The following PIK3CB variants were observed in gnomAD, a reference collection of about 807,000 sequenced individuals.
PIK3CB encodes the protein phosphatidylinositol-4,5-bisphosphate 3-kinase catalytic subunit beta.
A neutral mutation model predicts 136.8 loss-of-function variants in PIK3CB; 39 were observed. The ratio of observed to expected loss-of-function variants is 0.29; its 90% CI spans 0.22 to 0.37. The LOEUF is 0.37. Among genes scored for constraint, PIK3CB ranks in the 10% least tolerant of loss-of-function variants. The pLI, the probability that PIK3CB is intolerant of heterozygous loss-of-function variation, is 1.00. For missense variants in PIK3CB, 868 were observed against 1,275.4 expected, an observed-to-expected ratio of 0.68 and a Z score of 4.87; for synonymous variants, 428 against 436.6, an observed-to-expected ratio of 0.98 and a Z score of 0.25.
In PIK3CB at chr3:138,822,082, G is replaced by A. The variant is rs183969732; in HGVS notation, c.-122+12613C>T. ...GAGCTCAGGAGGTCCACACTGCAGA[G>A]AGCCAAGATGGTTCCACTGCACTCC... On this transcript the variant is annotated intron_variant, in intron 1 of 23. Coordinates refer to ENST00000674063, the MANE Select transcript of PIK3CB (RefSeq NM_006219.3). 7.9e-5 allele frequency among the ~76,000 whole-genome samples: 12 copies of A among 152,110 alleles called. No homozygotes were observed. In the East Asian group the frequency reaches 2.3e-3, roughly 29 times the overall value.
intron 4 of PIK3CB, among the ~76,000 whole-genome samples, chr3:138,746,901 T>C (rs1200488707): frequency 6.6e-6 from 1 of 150,552 alleles, no homozygotes; most frequent in Non-Finnish European, 1.5e-5. Flanking sequence ...TCACAAAAAG[T>C]GCAAGGTTTA....
chr3:138,778,392 C>T (rs2045884482), intron 2 of PIK3CB: 2 of 303,022 alleles, frequency 6.6e-6, no homozygotes, highest in Admixed American at 4.3e-5. Context: ...CCACTGATGG[C>T]CCATCTGGGA....
chr3:138,718,933 T>A (rs1559838935), intron 8 of PIK3CB, among the ~76,000 whole-genome samples: 1 of 152,184 alleles, frequency 6.6e-6, no homozygotes, highest in Non-Finnish European at 1.5e-5. Context: ...TATGATTTTT[T>A]AAAACAACCA....
At chr3:138,656,457 A>G (rs2043193581) in intron 22 of PIK3CB, among the ~76,000 whole-genome samples, 183 bp from the exon 23 acceptor site, 1 of 152,210 alleles carries the variant, frequency 6.6e-6, no homozygotes, top group Non-Finnish European at 1.5e-5. Flanking sequence ...TCTACATAAA[A>G]CAATCAATCT....
At chr3:138,720,731 G>T (rs192833688) in intron 8 of PIK3CB, among the ~76,000 whole-genome samples, 1 of 152,200 alleles carries the variant, frequency 6.6e-6, no homozygotes, top group East Asian at 1.9e-4. Flanking sequence ...AGTCAGGTGT[G>T]GTGGCGTGCA....
intron 8 of PIK3CB, among the ~76,000 whole-genome samples, chr3:138,727,939 C>T (rs534011574): frequency 6.6e-6 from 1 of 152,032 alleles, no homozygotes; most frequent in African/African-American, 2.4e-5. Context: ...CTCACTGCAA[C>T]CTCCGCCTCC....
chr3:138,728,544 G>C (rs531368645), intron 8 of PIK3CB, among the ~76,000 whole-genome samples: 2 of 152,080 alleles, frequency 1.3e-5, no homozygotes, highest in African/African-American at 2.4e-5. Flanking sequence ...TTGGGAGGCC[G>C]AGGCGGGTGG....
intron 1 of PIK3CB, among the ~76,000 whole-genome samples, chr3:138,815,655 G>A (rs1189807548): frequency 6.6e-6 from 1 of 152,052 alleles, no homozygotes; most frequent in African/African-American, 2.4e-5. Context: ...GAGAGTGGGG[G>A]TTTACATGTA....
chr3:138,787,998 G>A (rs1229666072), intron 2 of PIK3CB, among the ~76,000 whole-genome samples: 3 of 148,948 alleles, frequency 2.0e-5, no homozygotes, highest in East Asian at 4.0e-4. Flanking sequence ...CCTCGGTTCA[G>A]TACAACTTCC....
At chr3:138,695,937 T>TG (rs1259923414) in intron 13 of PIK3CB, among the ~76,000 whole-genome samples, 2 of 144,020 alleles carry the variant, frequency 1.4e-5, no homozygotes, top group Non-Finnish European at 3.0e-5. Flanking sequence ...TTGTATTTTT[T>TG]TTTTTTTTTT....
At chr3:138,701,870 G>A (rs1274441893) in intron 12 of PIK3CB, among the ~76,000 whole-genome samples, 4 of 149,344 alleles carry the variant, frequency 2.7e-5, no homozygotes, top group South Asian at 4.2e-4. Flanking sequence ...TTTTTAAAAA[G>A]TAGACCTATT....
chr3:138,831,399 C>G (rs1179173115), intron 1 of PIK3CB, among the ~76,000 whole-genome samples: 1 of 146,504 alleles, frequency 6.8e-6, no homozygotes, highest in East Asian at 2.1e-4. Context: ...TCAAGACCAG[C>G]CTGGCCAACA....
At position 138,805,889 on chromosome 3, in the gene PIK3CB, C is replaced by T. The variant is rs144612006; in HGVS notation, c.-121-9322G>A. 7.4e-3 allele frequency among the ~76,000 whole-genome samples: 1,113 copies of T among 151,412 alleles called. 10 individuals are homozygous for T. Among genetic ancestry groups the T allele is most frequent in the East Asian group, 0.036 (177 of 4,894 alleles). ...GGATTACAGGCATGCCCCACCATGC[C>T]GGGCTAATTTTTGTATTTTTAGTAG... On this transcript the variant is annotated intron_variant, in intron 1 of 23. Coordinates refer to ENST00000674063, the MANE Select transcript of PIK3CB (RefSeq NM_006219.3).
chr3:138,733,550 G>C (rs2045035491), intron 7 of PIK3CB, 112 bp from the exon 8 acceptor site: 1 of 572,666 alleles, frequency 1.7e-6, no homozygotes, highest in East Asian at 3.1e-5. Context: ...TATGAAAATA[G>C]AGCTCTAAAC....
Position 138,658,347 on chromosome 3 carries a change from G to A in PIK3CB, c.2797-512C>T, listed in dbSNP as rs372739933. Among the ~76,000 whole-genome samples the A allele has an allele frequency of 3.4e-4, 51 of 152,194 alleles. No homozygotes were observed. In the South Asian group the frequency reaches 0.01, roughly 30 times the overall value. Reference sequence around the variant, plus strand: ...CACCTGTGGTCCCAGCTACTCAGGGGGGTGAGGTGGGGGAATTGCTTGAGC... The same window carrying A: ...CACCTGTGGTCCCAGCTACTCAGGGAGGTGAGGTGGGGGAATTGCTTGAGC... On this transcript the variant is annotated intron_variant, in intron 21 of 23. Coordinates refer to ENST00000674063, the MANE Select transcript of PIK3CB (RefSeq NM_006219.3).
intron 23 of PIK3CB, 105 bp from the exon 24 acceptor site, chr3:138,655,631 C>A: frequency 1.2e-6 from 1 of 804,784 alleles, no homozygotes; most frequent in Non-Finnish European, 2.1e-6. Context: ...CAGCCACCAT[C>A]AGGCAGCATG....
chr3:138,791,593 AATG>A (rs2046048457), intron 2 of PIK3CB, among the ~76,000 whole-genome samples: 2 of 152,132 alleles, frequency 1.3e-5, no homozygotes, highest in African/African-American at 2.4e-5. Context: ...CCACATTCAC[AATG>A]ATGATGTCAG....
intron 6 of PIK3CB, among the ~76,000 whole-genome samples, chr3:138,736,162 G>A (rs962384085): frequency 2.6e-5 from 4 of 152,162 alleles, no homozygotes; most frequent in Admixed American, 2.6e-4. Context: ...AGAAAAGTCA[G>A]TACTTCTATG....
At chr3:138,658,095 A>C (rs2043222534) in intron 21 of PIK3CB, among the ~76,000 whole-genome samples, 1 of 152,226 alleles carries the variant, frequency 6.6e-6, no homozygotes, top group Admixed American at 6.5e-5. Context: ...AGAAAAATAC[A>C]TCCAAAGAAT....
Sources: allele counts gnomAD v4.1 joint callset (sites outside exome capture counted in the v4.1 genomes callset), GRCh38; gene constraint gnomAD v4.1.1; transcripts MANE v1.5; gene names NCBI Gene and HGNC (gene_info 2026-07-23, HGNC 2026-07-21).